Variants in THSD7B observed in about 807,000 individuals in gnomAD.
THSD7B encodes thrombospondin type 1 domain containing 7B, also known as thrombospondin type-1 domain-containing protein 7B.
THSD7B carries 138 observed loss-of-function variants against 213.6 expected under a neutral mutation model. The observed-to-expected ratio is 0.65, with a 90% CI of 0.56 to 0.74. The LOEUF is 0.74. Ranked by LOEUF, THSD7B falls within the 30% of genes least tolerant of loss-of-function variation. The pLI, the probability that THSD7B is intolerant of heterozygous loss-of-function variation, is 0.00. For synonymous variants in THSD7B, 742 were observed against 687.0 expected (o/e 1.08, Z -1.25); for missense variants, 1,931 against 1,991.5 (o/e 0.97, Z 0.58).
In THSD7B at chr2:136,839,077, C is replaced by T. The variant is rs1259869421; in HGVS notation, c.-35-43067C>T. ...GTTTGTAATTTATGTATAAACTACC[C>T]TTGAGACACTGTCATGTTGTTCTCA... is the stretch of plus-strand genomic sequence containing the variant. On this transcript the variant is annotated intron_variant, in intron 1 of 27. Transcript: ENST00000409968. 2.0e-5 allele frequency among the ~76,000 whole-genome samples: 3 copies of T among 152,176 alleles called. No homozygotes were observed. The East Asian group carries it at 5.8e-4, about 29-fold the overall frequency.
intron 2 of THSD7B, among the ~76,000 whole-genome samples, chr2:136,925,367 T>C (rs571292793): frequency 2.5e-4 from 38 of 152,340 alleles, no homozygotes; most frequent in African/African-American, 9.1e-4. Context: ...GTTTGTTGAA[T>C]GTTTTTATCA....
chr2:137,279,956 C>T (rs1682968102), intron 12 of THSD7B, among the ~76,000 whole-genome samples: 1 of 152,022 alleles, frequency 6.6e-6, no homozygotes, highest in Admixed American at 6.6e-5. Flanking sequence ...GAACTCAGAC[C>T]ATAAAGTCAT....
chr2:137,403,308 A>G (rs1385940559), intron 12 of THSD7B, among the ~76,000 whole-genome samples: 4 of 152,224 alleles, frequency 2.6e-5, no homozygotes, highest in Admixed American at 6.5e-5. Flanking sequence ...AGATAGATTT[A>G]TGGTGTTCAG....
intron 20 of THSD7B, among the ~76,000 whole-genome samples, chr2:137,625,235 A>G (rs1457689900): frequency 6.6e-6 from 1 of 151,028 alleles, no homozygotes; most frequent in Admixed American, 6.6e-5. Flanking sequence ...TCAGAAAACC[A>G]AAGACTGCAT....
intron 12 of THSD7B, among the ~76,000 whole-genome samples, chr2:137,373,147 G>C (rs865938978): frequency 1.3e-5 from 2 of 151,884 alleles, no homozygotes; most frequent in African/African-American, 4.8e-5. Context: ...GAATAGTGCC[G>C]CAATAAACAT....
At chr2:137,444,537 C>A (rs1195728061) in intron 14 of THSD7B, among the ~76,000 whole-genome samples, 2 of 151,580 alleles carry the variant, frequency 1.3e-5, no homozygotes, top group African/African-American at 4.8e-5. Context: ...TCTCATAGTA[C>A]TAAAATATAT....
At chr2:137,127,032 AGATCACT>A (rs1456644843) in intron 5 of THSD7B, among the ~76,000 whole-genome samples, 12 of 152,074 alleles carry the variant, frequency 7.9e-5, no homozygotes, top group Admixed American at 2.0e-4. Context: ...ATAACATCAA[AGATCACT>A]GATCACTGAT....
chr2:137,237,388 G>C (rs1681789826), intron 9 of THSD7B, among the ~76,000 whole-genome samples: 1 of 152,188 alleles, frequency 6.6e-6, no homozygotes, highest in African/African-American at 2.4e-5. Flanking sequence ...GAAATAGCTG[G>C]AGAAATAAGT....
chr2:137,375,245 G>C (rs1685627075), intron 12 of THSD7B, among the ~76,000 whole-genome samples: 1 of 151,994 alleles, frequency 6.6e-6, no homozygotes, highest in African/African-American at 2.4e-5. Context: ...GACATTGGAA[G>C]GCAGTTTTAT....
chr2:136,781,769 C>A lies in THSD7B; in HGVS notation c.-36+16082C>A, dbSNP rs141236200. ...CTCCAGCTACTTCACCCTGGCGTTC[C>A]TCTGATTCCTTCTGTCTATGCCCTG... On this transcript the variant is annotated intron_variant, in intron 1 of 27. Coordinates refer to ENST00000409968, the MANE Select transcript of THSD7B (RefSeq NM_001316349.2). Among the ~76,000 whole-genome samples, 217 of 152,222 alleles carry A rather than the reference C, an allele frequency of 1.4e-3. 1 individual carries two copies. Among genetic ancestry groups the A allele is most frequent in the African/African-American group, 5.0e-3 (207 of 41,510 alleles).
At chr2:137,460,219 T>C (rs556037987) in intron 15 of THSD7B, among the ~76,000 whole-genome samples, 1 of 152,130 alleles carries the variant, frequency 6.6e-6, no homozygotes, top group East Asian at 1.9e-4. Flanking sequence ...CTTTCCAAAT[T>C]GAACTTTTCT....
rs552353285 is a variant in THSD7B at position 136,894,351 on chromosome 2, A to T, written c.139+12034A>T. ...TTTCAAATACTGATGACTGTACATG[A>T]TAAAGGAGCTGACACTACATACAAG... On this transcript the variant is annotated intron_variant, in intron 2 of 27. Coordinates refer to ENST00000409968, the MANE Select transcript of THSD7B (RefSeq NM_001316349.2). Among the ~76,000 whole-genome samples the T allele has an allele frequency of 5.4e-4, 82 of 152,312 alleles. 1 individual carries two copies. The highest frequency in any genetic ancestry group is 6.8e-3 in the Middle Eastern group (2 of 292).
intron 15 of THSD7B, among the ~76,000 whole-genome samples, chr2:137,467,156 C>A (rs1376542773): frequency 1.3e-5 from 2 of 152,038 alleles, no homozygotes; most frequent in African/African-American, 4.8e-5. Flanking sequence ...TGGTTTCCAA[C>A]CTTTTATTTC....
chr2:137,306,394 T>A (rs1475823673), intron 12 of THSD7B, among the ~76,000 whole-genome samples: 2 of 152,074 alleles, frequency 1.3e-5, no homozygotes, highest in African/African-American at 4.8e-5. Flanking sequence ...ACCATCACAC[T>A]TAAGTATTTT....
intron 5 of THSD7B, among the ~76,000 whole-genome samples, chr2:137,138,523 C>A (rs574439099): frequency 7.2e-5 from 11 of 152,214 alleles, no homozygotes; most frequent in African/African-American, 2.6e-4. Context: ...TGTATACCTT[C>A]TTCTGTAAAG....
chr2:137,538,315 A>C (rs1244978682), intron 15 of THSD7B, among the ~76,000 whole-genome samples: 1 of 151,582 alleles, frequency 6.6e-6, no homozygotes, highest in Non-Finnish European at 1.5e-5. Context: ...TTTGCTCGAG[A>C]CTGGGAGGGT....
At chr2:137,016,756 A>G (rs533994828) in intron 2 of THSD7B, among the ~76,000 whole-genome samples, 46 of 152,320 alleles carry the variant, frequency 3.0e-4, no homozygotes, top group South Asian at 1.0e-3. Context: ...TTAGACCACA[A>G]TTCTTTAGAG....
intron 2 of THSD7B, among the ~76,000 whole-genome samples, chr2:136,996,706 A>G (rs571961025): frequency 6.6e-6 from 1 of 152,280 alleles, no homozygotes; most frequent in South Asian, 2.1e-4. Context: ...GCTTTTAATA[A>G]AATAATTTAA....
At chr2:137,304,054 G>T (rs1478692573) in intron 12 of THSD7B, among the ~76,000 whole-genome samples, 1 of 151,560 alleles carries the variant, frequency 6.6e-6, no homozygotes, top group Non-Finnish European at 1.5e-5. Context: ...AGAACATGTG[G>T]TGTTTGGTTT....
Sources: allele counts gnomAD v4.1 joint callset (sites outside exome capture counted in the v4.1 genomes callset), GRCh38; gene constraint gnomAD v4.1.1; transcripts MANE v1.5; gene names NCBI Gene and HGNC (gene_info 2026-07-23, HGNC 2026-07-21).